Variants in GALNT17 observed in about 807,000 individuals in gnomAD.
GALNT17 encodes the protein polypeptide N-acetylgalactosaminyltransferase 17.
GALNT17 carries 29 observed loss-of-function variants against 63.7 expected under a neutral mutation model. The ratio of observed to expected loss-of-function variants is 0.46; its 90% CI spans 0.34 to 0.62. GALNT17 has a LOEUF of 0.62. Among genes scored for constraint, GALNT17 ranks in the 20% least tolerant of loss-of-function variants. GALNT17 has a pLI of 0.01. For missense variants in GALNT17, 603 were observed against 799.6 expected, an observed-to-expected ratio of 0.75 and a Z score of 2.97; for synonymous variants, 305 against 318.3, an observed-to-expected ratio of 0.96 and a Z score of 0.45.
At chr7:71,499,967 C>T (rs1788154457) in intron 5 of GALNT17, among the ~76,000 whole-genome samples, 1 of 152,172 alleles carries the variant, frequency 6.6e-6, no homozygotes, top group South Asian at 2.1e-4. Flanking sequence ...CTTAGCACTT[C>T]TCCTGCTATC....
chr7:71,462,344 G>C (rs939545253), intron 5 of GALNT17, among the ~76,000 whole-genome samples: 1 of 152,242 alleles, frequency 6.6e-6, no homozygotes, highest in African/African-American at 2.4e-5. Context: ...CGTTGACTCT[G>C]TTGCAATAGA....
At chr7:71,313,972 C>T (rs576749288) in intron 1 of GALNT17, among the ~76,000 whole-genome samples, 1 of 152,048 alleles carries the variant, frequency 6.6e-6, no homozygotes, top group East Asian at 1.9e-4. Context: ...ATGAGGAGCT[C>T]ACTAGGTTGT....
At chr7:71,478,303 C>T (rs966133355) in intron 5 of GALNT17, among the ~76,000 whole-genome samples, 1 of 151,930 alleles carries the variant, frequency 6.6e-6, no homozygotes, top group Admixed American at 6.6e-5. Context: ...TGAGCCCCAC[C>T]TTTGTTTGTT....
intron 1 of GALNT17, among the ~76,000 whole-genome samples, chr7:71,323,842 A>T (rs1041351969): frequency 6.6e-6 from 1 of 152,340 alleles, no homozygotes; most frequent in Non-Finnish European, 1.5e-5. Context: ...TATGTGCAAG[A>T]CACAAAGATG....
intron 1 of GALNT17, among the ~76,000 whole-genome samples, chr7:71,214,595 G>C (rs932080543): frequency 1.8e-5 from 1 of 55,132 alleles, no homozygotes; most frequent in Admixed American, 1.7e-4. Flanking sequence ...TTTTTTTTTT[G>C]ACATGGTGTC....
chr7:71,179,495 A>G (rs1353295987), intron 1 of GALNT17, among the ~76,000 whole-genome samples: 2 of 152,180 alleles, frequency 1.3e-5, no homozygotes, highest in African/African-American at 4.8e-5. Flanking sequence ...ATAAACTGAG[A>G]CCTGTCTCAA....
At chr7:71,688,429 C>G (rs1197478723) in intron 9 of GALNT17, among the ~76,000 whole-genome samples, 1 of 152,126 alleles carries the variant, frequency 6.6e-6, no homozygotes, top group African/African-American at 2.4e-5. Flanking sequence ...GTTTTACATG[C>G]TTTCTGCTTG....
chr7:71,597,144 T>C (rs1028977083), intron 6 of GALNT17, among the ~76,000 whole-genome samples: 5 of 151,934 alleles, frequency 3.3e-5, no homozygotes, highest in Admixed American at 2.0e-4. Context: ...CTCACACCAT[T>C]CCCCTGCCTC....
chr7:71,376,490 CTCAGAT>C (rs566882791), intron 2 of GALNT17, among the ~76,000 whole-genome samples: 1,143 of 113,078 alleles, frequency 0.01, 9 homozygotes, highest in Admixed American at 0.018. Flanking sequence ...CTGTATTATA[CTCAGAT>C]TCATTTACTG....
chr7:71,525,925 A>G (rs2116766003), intron 5 of GALNT17, among the ~76,000 whole-genome samples: 1 of 151,736 alleles, frequency 6.6e-6, no homozygotes, highest in South Asian at 2.1e-4. Context: ...TTTTTAGTAG[A>G]AACAGGATTT....
At position 71,192,108 on chromosome 7, in the gene GALNT17, G is replaced by A. The variant is rs1036016119; in HGVS notation, c.238+59068G>A. On this transcript the variant is annotated intron_variant, in intron 1 of 10. Transcript: ENST00000333538. ...AAAGCCGAAGAACTTGGAATCTGATGTTCGAGGTCAGGAAGCATCCAGCAC... is the reference window on the plus strand; with the variant it reads ...AAAGCCGAAGAACTTGGAATCTGATATTCGAGGTCAGGAAGCATCCAGCAC... 3.3e-5 allele frequency among the ~76,000 whole-genome samples: 5 copies of A among 152,212 alleles called. No homozygotes were observed. The East Asian group carries it at 7.7e-4, about 24-fold the overall frequency.
chr7:71,600,314 A>G (rs1054610468), intron 6 of GALNT17, among the ~76,000 whole-genome samples: 1 of 151,930 alleles, frequency 6.6e-6, no homozygotes, highest in Non-Finnish European at 1.5e-5. Flanking sequence ...AAAAAATAAG[A>G]AAGATTGATT....
chr7:71,372,971 G>A lies in GALNT17; in HGVS notation c.423-15264G>A, dbSNP rs76701081. On this transcript the variant is annotated intron_variant, in intron 2 of 10. Transcript: ENST00000333538. ...CCCAAAAAGGAGTGATCCGCATGTC[G>A]AGGTGGGGAGCTTTTAGTATCAACA... Among the ~76,000 whole-genome samples the A allele has an allele frequency of 7.1e-3, 1,086 of 152,300 alleles. 4 individuals carry two copies. Among genetic ancestry groups the A allele is most frequent in the Middle Eastern group, 0.017 (5 of 294 alleles).
intron 5 of GALNT17, among the ~76,000 whole-genome samples, chr7:71,516,364 A>G (rs1167462676): frequency 6.6e-6 from 1 of 152,196 alleles, no homozygotes; most frequent in African/African-American, 2.4e-5. Flanking sequence ...GACAAAGATT[A>G]GGACTTGAGT....
intron 9 of GALNT17, among the ~76,000 whole-genome samples, chr7:71,699,548 A>C (rs955906637): frequency 6.6e-6 from 1 of 152,074 alleles, no homozygotes; most frequent in Non-Finnish European, 1.5e-5. Flanking sequence ...AAAGATGGAA[A>C]GGGTTATGTC....
intron 1 of GALNT17, among the ~76,000 whole-genome samples, chr7:71,256,605 A>G (rs920833438): frequency 1.3e-5 from 2 of 152,044 alleles, no homozygotes; most frequent in African/African-American, 4.8e-5. Flanking sequence ...AAAACAAAAA[A>G]ACAAAACTGA....
At chr7:71,389,690 C>A (rs1025637914) in intron 3 of GALNT17, among the ~76,000 whole-genome samples, 2 of 152,072 alleles carry the variant, frequency 1.3e-5, no homozygotes, top group African/African-American at 4.8e-5. Flanking sequence ...TCCTCCACTC[C>A]CCACCCCGCA....
chr7:71,196,082 C>T (rs184810992), intron 1 of GALNT17, among the ~76,000 whole-genome samples: 2 of 152,130 alleles, frequency 1.3e-5, no homozygotes, highest in Non-Finnish European at 2.9e-5. Flanking sequence ...CTCCTCCAGA[C>T]CTCCTCCCAT....
At chr7:71,365,213 A>G (rs1321949834) in intron 2 of GALNT17, among the ~76,000 whole-genome samples, 1 of 152,102 alleles carries the variant, frequency 6.6e-6, no homozygotes, top group Non-Finnish European at 1.5e-5. Flanking sequence ...GATTACAGGC[A>G]TAAGCCACCA....
Sources: allele counts gnomAD v4.1 joint callset (sites outside exome capture counted in the v4.1 genomes callset), GRCh38; gene constraint gnomAD v4.1.1; transcripts MANE v1.5; gene names NCBI Gene and HGNC (gene_info 2026-07-23, HGNC 2026-07-21).